Variants in SPEG observed in about 807,000 individuals in gnomAD.
SPEG encodes the protein striated muscle enriched protein kinase.
In SPEG, 114 loss-of-function variants were observed where a neutral mutation model predicts 300.4. The observed-to-expected ratio is 0.38, with a 90% CI of 0.33 to 0.44. SPEG has a LOEUF of 0.44. Ranked by LOEUF, SPEG falls within the 20% of genes least tolerant of loss-of-function variation. The probability of loss-of-function intolerance (pLI) is 1.00; values close to 1 mark genes in which losing one functional copy is unlikely to be tolerated. For synonymous variants in SPEG, 1,964 were observed against 2,018.9 expected, an observed-to-expected ratio of 0.97 and a Z score of 0.73; for missense variants, 4,201 against 4,586.2, an observed-to-expected ratio of 0.92 and a Z score of 2.43.
chr2:219,447,865 C>G, intron 3 of SPEG, 109 bp from the exon 4 acceptor site: 1 of 1,019,342 alleles, frequency 9.8e-7, no homozygotes, highest in East Asian at 2.6e-5. Context: ...TGGCCCATGT[C>G]ACCCCCAAGC....
chr2:219,472,487 G>A (rs925934055), intron 15 of SPEG, among the ~76,000 whole-genome samples, 156 bp downstream of exon 15: 10 of 152,172 alleles, frequency 6.6e-5, no homozygotes, highest in Admixed American at 5.9e-4. Context: ...TTCTCTCCAC[G>A]TTGCATGGGG....
At chr2:219,466,517 C>T in intron 9 of SPEG, 1 of 1,094,214 alleles carries the variant, frequency 9.1e-7, no homozygotes, top group South Asian at 3.2e-5. Context: ...CATGGAGGGG[C>T]CCAAGGAGCA....
chr2:219,448,945 TC>T lies in SPEG; in HGVS notation c.1790del (p.Pro597ArgfsTer2). 1 of 1,500,118 alleles carries T rather than the reference TC, an allele frequency of 6.7e-7. No homozygotes were observed. The highest frequency in any genetic ancestry group is 8.9e-7 in the Non-Finnish European group (1 of 1,129,062). The allele number at this position is 1,500,118 out of a possible 1,614,324, so 92.9% of individuals were successfully genotyped here. A position where few individuals can be genotyped will look rare whatever the true frequency, so the allele number is the denominator to read the frequency against. ...CAGGAGGTTAGGCGTCGGGACCAATTCCCGCTGACCCGGAGCAGAGCCATCC... is the reference window on the plus strand; with the variant it reads ...CAGGAGGTTAGGCGTCGGGACCAATTCCGCTGACCCGGAGCAGAGCCATCC... ...PQQEVRRRDQ[F>X]PLTRSRAIQE... On this transcript the variant is annotated frameshift_variant, in exon 4 of 41. Coordinates refer to ENST00000312358, the MANE Select transcript of SPEG (RefSeq NM_005876.5). LOFTEE classifies it high-confidence loss of function.
Position 219,435,242 on chromosome 2 carries a change from G to A in SPEG, c.265G>A (p.Glu89Lys), listed in dbSNP as rs767207245. The A allele has an allele frequency of 6.1e-6, 9 of 1,479,116 alleles. No homozygotes were observed. The South Asian group carries it at 1.0e-4, about 17-fold the overall frequency. 91.6% of individuals were successfully genotyped at this position (1,479,116 alleles called of 1,614,324 possible). ...GCAGCTCCTGCCCGCGCCGGCCCCCGAGCCCAGCTGCCTGTGGCTGCGGCG... is the reference window on the plus strand; with the variant it reads ...GCAGCTCCTGCCCGCGCCGGCCCCCAAGCCCAGCTGCCTGTGGCTGCGGCG... The part of the protein sequence containing the change: ...DGQLLPAPAP[E>K]PSCLWLRRCG... Residue 89 changes from glutamate to lysine, a missense_variant, in exon 1 of 41, where the codon GAG becomes AAG. Glu to Lys is a moderately conservative substitution (Grantham distance 56, BLOSUM62 1). This residue lies in a region of SPEG where 1,258 missense variants were observed against 1,293.9 expected (regional missense o/e 0.97). Transcript: ENST00000312358.
At position 219,481,258 on chromosome 2, in the gene SPEG, C is replaced by A. The variant is rs1487607815; in HGVS notation, c.5370-46C>A. On this transcript the variant is annotated intron_variant, in intron 26 of 40. Transcript: ENST00000312358. The surrounding 1 kb of genome is among the most constrained non-coding windows in gnomAD (Gnocchi z 5.4). ...GCCCTGTGCCCCCACTGACATTCCC[C>A]TTTGTCCCCGCCTGCCCCTCATGAC... The A allele has an allele frequency of 6.3e-7, 1 of 1,597,958 alleles. No individual in the cohort carries two copies. Among genetic ancestry groups the A allele is most frequent in the Non-Finnish European group, 8.5e-7 (1 of 1,170,304 alleles).
Position 219,435,170 on chromosome 2 carries a change from G to A in SPEG, c.193G>A (p.Val65Met). ...CAGSDVRLRV[V>M]VSGTPQPSLR... ...GGGCAGCGACGTGCGGCTGCGGGTG[G>A]TGGTGAGCGGGACGCCCCAGCCCAG... Residue 65 changes from valine to methionine, a missense_variant, in exon 1 of 41, where the codon GTG becomes ATG. Physicochemically the swap from Val to Met is conservative, Grantham distance 21. Coordinates refer to ENST00000312358, the MANE Select transcript of SPEG (RefSeq NM_005876.5). 6.8e-7 allele frequency: 1 copy of A among 1,477,478 alleles called. No homozygotes were observed. The allele number at this position is 1,477,478 out of a possible 1,614,324, so 91.5% of individuals were successfully genotyped here.
chr2:219,483,626 CG>C lies in SPEG; in HGVS notation c.6167del (p.Gly2056GlufsTer183). The C allele has an allele frequency of 6.6e-7, 1 of 1,514,460 alleles. No homozygotes were observed. Among genetic ancestry groups the C allele is most frequent in the East Asian group, 2.6e-5 (1 of 37,958 alleles). The allele number at this position is 1,514,460 out of a possible 1,614,324, so 93.8% of individuals were successfully genotyped here. On this transcript the variant is annotated frameshift_variant, in exon 30 of 41. Transcript: ENST00000312358. LOFTEE classifies it high-confidence loss of function. ...CAGCCCGGGAGCCACCCGCCTGGCC[CG>C]GGGAGGCCTGGGTGAGGGCGAGTAT... ...SPSPGATRLA[R>X]GGLGEGEYAQ...
intron 6 of SPEG, among the ~76,000 whole-genome samples, chr2:219,456,496 C>T (rs1239019726): frequency 2.0e-5 from 3 of 152,206 alleles, no homozygotes; most frequent in African/African-American, 7.2e-5. Context: ...GTGGCCTCCC[C>T]GAAGCTGGTA....
intron 10 of SPEG, 24 bp downstream of exon 10, chr2:219,467,458 G>C (rs748684696): frequency 1.3e-6 from 2 of 1,581,012 alleles, no homozygotes; most frequent in South Asian, 2.3e-5. Flanking sequence ...CAGGCATTGG[G>C]CTGCCGTGGG....
At chr2:219,456,946 A>G (rs1690238393) in intron 6 of SPEG, among the ~76,000 whole-genome samples, 1 of 50,778 alleles carries the variant, frequency 2.0e-5, no homozygotes, top group Non-Finnish European at 6.7e-5. Flanking sequence ...GAAAAAAAAG[A>G]AAAGAAAAAA....
In SPEG at chr2:219,464,578, C is replaced by A. The variant is rs777632945; in HGVS notation, c.2851C>A (p.Arg951=). The A allele has an allele frequency of 6.2e-7, 1 of 1,614,192 alleles. No individual in the cohort carries two copies. ...CAAAGCGGTCAATGAGTATGGTGCT[C>A]GGCAGTGCGAGGCCCGCTTGGAGGT... ...TCKAVNEYGA[R]QCEARLEVRA... is the part of the protein sequence containing the mutation. The change falls in exon 9 of 41, where the codon CGG becomes AGG. Residue 951 remains arginine (R), a synonymous_variant. Transcript: ENST00000312358. This position sits in a 1 kb window ranked among gnomAD's most constrained non-coding sequence, Gnocchi z 4.5.
At chr2:219,490,335 T>C (rs548043491) in intron 36 of SPEG, 74 bp from the exon 37 acceptor site, 3 of 1,540,074 alleles carry the variant, frequency 1.9e-6, no homozygotes, top group Non-Finnish European at 2.6e-6. Flanking sequence ...CCTGCTCTCC[T>C]CCGTTAGCCC....
At chr2:219,466,184 G>C (rs1160589026) in intron 9 of SPEG, 2 of 1,493,840 alleles carry the variant, frequency 1.3e-6, no homozygotes, top group South Asian at 2.6e-5. Flanking sequence ...CTGCCGGCCC[G>C]GACCCGTCCC....
intron 9 of SPEG, chr2:219,466,182 C>T: frequency 6.7e-7 from 1 of 1,494,032 alleles, no homozygotes; most frequent in South Asian, 1.3e-5. Context: ...GCCTGCCGGC[C>T]CGGACCCGTC....
rs773536850 is a variant in SPEG at position 219,447,955 on chromosome 2, C to T, written c.816-19C>T. On this transcript the variant is annotated intron_variant, in intron 3 of 40. Transcript: ENST00000312358. The stretch of plus-strand genomic sequence containing the variant: ...GAGGCCCCCTGAATCCTCTACCCTT[C>T]TCCATCTTGGTTCTGCAGCAGCGTC... 6.2e-7 allele frequency: 1 copy of T among 1,610,524 alleles called. No individual in the cohort carries two copies. The highest frequency in any genetic ancestry group is 1.7e-4 in the Middle Eastern group (1 of 6,052).
At position 219,484,372 on chromosome 2, in the gene SPEG, A is replaced by C; in HGVS notation, c.6909A>C (p.Leu2303=). The change falls in exon 30 of 41, where the codon CTA becomes CTC. Residue 2303 remains leucine (L), a synonymous_variant. Transcript: ENST00000312358. ...CCTCAGCCGGGGGTCCCCCGGTGCT[A>C]GCCGAGAAAGCCCGAGTTCCCACGG... is the stretch of plus-strand genomic sequence containing the variant. ...RVPSAGGPPV[L]AEKARVPTVP... is the part of the protein sequence containing the mutation. 6.2e-7 allele frequency: 1 copy of C among 1,606,898 alleles called. No homozygotes were observed. Among genetic ancestry groups the C allele is most frequent in the Non-Finnish European group, 8.5e-7 (1 of 1,179,150 alleles).
rs1045237878 is a variant in SPEG, at chr2:219,490,733, G to A, written c.9162G>A (p.Arg3054=). The change falls in exon 38 of 41, where the codon AGG becomes AGA. Residue 3054 remains arginine (R), a splice_region_variant and synonymous_variant. Transcript: ENST00000312358. ...NRELLCGLSD[R]FRYSEDDVAT... ...ATCTGCTCCATCCCTGCCCTCCCAG[G>A]TTCCGGTATTCTGAGGATGACGTGG... The A allele has an allele frequency of 2.5e-6, 4 of 1,613,992 alleles. No homozygotes were observed. The highest frequency in any genetic ancestry group is 1.1e-5 in the South Asian group (1 of 91,076).
chr2:219,477,865 A>G lies in SPEG; in HGVS notation c.4827-40A>G, dbSNP rs1203684479. Reference sequence around the variant, plus strand: ...GGTTGGGAGGGGTGGAGAGGGCCACAGTGATGGCTGATCTCTGACCCCCTC... The same window carrying G: ...GGTTGGGAGGGGTGGAGAGGGCCACGGTGATGGCTGATCTCTGACCCCCTC... On this transcript the variant is annotated intron_variant, in intron 21 of 40. Coordinates refer to ENST00000312358, the MANE Select transcript of SPEG (RefSeq NM_005876.5). This position sits in a 1 kb window ranked among gnomAD's most constrained non-coding sequence, Gnocchi z 6.4. The G allele has an allele frequency of 3.1e-6, 5 of 1,606,692 alleles. No homozygotes were observed. The highest frequency in any genetic ancestry group is 4.3e-6 in the Non-Finnish European group (5 of 1,174,188).
intron 9 of SPEG, chr2:219,465,868 C>A: frequency 1.6e-6 from 1 of 611,842 alleles, no homozygotes; most frequent in Non-Finnish European, 2.9e-6. Context: ...CATGTGTGTG[C>A]GTGTGTGCGT....
Sources: gnomAD v4.1 joint callset for allele counts (sites outside exome capture counted in the v4.1 genomes callset) on GRCh38, gnomAD v4.1.1 for gene constraint, gnomAD v4.1.1 regional missense constraint, Gnocchi (gnomAD v3.1) non-coding constraint, MANE v1.5 for transcripts, NCBI Gene and HGNC (gene_info 2026-07-23, HGNC 2026-07-21) for gene names.